SKA1: variants seen among roughly 807,000 people sequenced by gnomAD.
The protein encoded by SKA1 is SKA complex subunit 1.
A neutral mutation model predicts 31.8 loss-of-function variants in SKA1; 20 were observed. The observed-to-expected ratio is 0.63, with a 90% CI of 0.44 to 0.91. The LOEUF (loss-of-function observed/expected upper bound fraction) is 0.91, where lower values mean the gene tolerates loss of function less well. Ranked by LOEUF, SKA1 falls within the 40% of genes least tolerant of loss-of-function variation. The pLI, the probability that SKA1 is intolerant of heterozygous loss-of-function variation, is 0.00. For synonymous variants in SKA1, 88 were observed against 100.5 expected, an observed-to-expected ratio of 0.88 and a Z score of 0.74; for missense variants, 253 against 298.2, an observed-to-expected ratio of 0.85 and a Z score of 1.12.
At chr18:50,389,337 G>T (rs542644199) in intron 5 of SKA1, among the ~76,000 whole-genome samples, 3 of 148,316 alleles carry the variant, frequency 2.0e-5, no homozygotes, top group East Asian at 2.0e-4. Flanking sequence ...GTCTTTTTCT[G>T]GGGGGGAGAG....
intron 2 of SKA1, among the ~76,000 whole-genome samples, chr18:50,376,594 A>G (rs1338409772): frequency 6.6e-6 from 1 of 152,198 alleles, no homozygotes; most frequent in Non-Finnish European, 1.5e-5. Context: ...ACTGTATACT[A>G]CTGTAGGCTT....
intron 4 of SKA1, among the ~76,000 whole-genome samples, chr18:50,382,675 TC>T (rs2149320586): frequency 6.6e-6 from 1 of 152,098 alleles, no homozygotes; most frequent in Admixed American, 6.6e-5. Context: ...GGCAAAATCT[TC>T]CCCGACCATT....
chr18:50,388,173 C>T (rs1476815977), intron 5 of SKA1, among the ~76,000 whole-genome samples: 2 of 152,256 alleles, frequency 1.3e-5, no homozygotes, highest in South Asian at 2.1e-4. Context: ...CTGCAAGCTC[C>T]GCCTCCCAGG....
rs747298645 is a variant in SKA1, at chr18:50,392,160, G to T, written c.681G>T (p.Lys227Asn). Residue 227 changes from lysine (K) to asparagine (N), a missense_variant, in exon 7 of 7, where the codon AAG (lysine) becomes AAT (asparagine). Coordinates refer to ENST00000285116, the MANE Select transcript of SKA1 (RefSeq NM_145060.4). ...KEFTTLKADK[K>N]FHVLLNILRH... ...TCACAACTTTGAAAGCTGACAAGAA[G>T]TTTCACGTGTTACTGAATATTTTAC... The T allele has an allele frequency of 6.2e-7, 1 of 1,610,264 alleles. No homozygotes were observed. The highest frequency in any genetic ancestry group is 1.3e-5 in the African/African-American group (1 of 74,572).
In SKA1 at chr18:50,392,185, C is replaced by G; in HGVS notation, c.706C>G (p.Arg236Gly). Residue 236 changes from arginine to glycine, a missense_variant, in exon 7 of 7, where the codon CGA (arginine) becomes GGA (glycine). By Grantham distance (125) the Arg-to-Gly change is moderately radical (BLOSUM62 -2). Coordinates refer to ENST00000285116, the MANE Select transcript of SKA1 (RefSeq NM_145060.4). ...GTTTCACGTGTTACTGAATATTTTA[C>G]GACACTGCCGGAGGCTATCAGAGGT... Reference protein sequence around the residue: ...KKFHVLLNILRHCRRLSEVRG... With the variant: ...KKFHVLLNILGHCRRLSEVRG... 1.2e-6 allele frequency: 2 copies of G among 1,610,286 alleles called. No individual in the cohort carries two copies. The highest frequency in any genetic ancestry group is 1.7e-5 in the Admixed American group (1 of 58,530).
intron 4 of SKA1, 139 bp downstream of exon 4, chr18:50,382,365 T>G: frequency 6.0e-6 from 3 of 502,992 alleles, no homozygotes; most frequent in Non-Finnish European, 1.0e-5. Context: ...CTAAAAACAG[T>G]ATTTCCATGT....
At chr18:50,388,195 C>G (rs2041326027) in intron 5 of SKA1, among the ~76,000 whole-genome samples, 1 of 152,220 alleles carries the variant, frequency 6.6e-6, no homozygotes, top group African/African-American at 2.4e-5. Context: ...TCACGCCATT[C>G]TCCTGCCTCA....
intron 3 of SKA1, among the ~76,000 whole-genome samples, chr18:50,381,522 C>T (rs2041262103): frequency 6.6e-6 from 1 of 151,910 alleles, no homozygotes; most frequent in South Asian, 2.1e-4. Context: ...TAGTTATCTC[C>T]CAAGATTAAA....
Position 50,380,357 on chromosome 18 carries a change from A to T in SKA1, c.213+107A>T, listed in dbSNP as rs2041253800. The T allele has an allele frequency of 3.3e-6, 4 of 1,199,120 alleles. No individual in the cohort carries two copies. The Admixed American group carries it at 1.5e-4, about 45-fold the overall frequency. 74.3% of individuals were successfully genotyped at this position (1,199,120 alleles called of 1,614,324 possible). ...TTGTTTATAATGTTTTTTGTTTATA[A>T]ATTATTAATGGTACAGTATGCCATT... On this transcript the variant is annotated intron_variant, in intron 3 of 6. Transcript: ENST00000285116.
In SKA1 at chr18:50,382,208, T is replaced by A; in HGVS notation, c.293T>A (p.Val98Glu). 1 of 1,526,494 alleles carries A rather than the reference T, an allele frequency of 6.6e-7. No homozygotes were observed. Among genetic ancestry groups the A allele is most frequent in the African/African-American group, 1.5e-5 (1 of 68,844 alleles). The allele number at this position is 1,526,494 out of a possible 1,614,324, so 94.6% of individuals were successfully genotyped here. Residue 98 changes from valine (V) to glutamate (E), a missense_variant, in exon 4 of 7, where the codon GTA becomes GAA. Transcript: ENST00000285116. ...AACGTTCCTTCCCATTTGCCTCAAG[T>A]AACAGTAACCCAGAGCTGGTAAGTG... is the stretch of plus-strand genomic sequence containing the variant. ...KENVPSHLPQ[V>E]TVTQSCVKGS...
chr18:50,390,507 G>A (rs2041347966), intron 5 of SKA1, among the ~76,000 whole-genome samples: 1 of 152,208 alleles, frequency 6.6e-6, no homozygotes, highest in African/African-American at 2.4e-5. Context: ...GAAAGAGAGT[G>A]CTCTAAGGGA....
chr18:50,375,694 G>T, intron 1 of SKA1, 126 bp from the exon 2 acceptor site: 4 of 616,708 alleles, frequency 6.5e-6, no homozygotes, highest in Non-Finnish European at 8.5e-6. Flanking sequence ...AATTGCTCTT[G>T]AATTTTTGTG....
Position 50,385,219 on chromosome 18 carries a change from T to G in SKA1, c.315T>G (p.Val105=). ...TATGTACATCTGTATTCTGTAGTGT[T>G]AAGGGATCAGATCTTGATCCTGAAG... ...LPQVTVTQSC[V]KGSDLDPEEP... Residue 105 remains valine (V), a synonymous_variant, in exon 5 of 7, where the codon GTT becomes GTG. Coordinates refer to ENST00000285116, the MANE Select transcript of SKA1 (RefSeq NM_145060.4). 1 of 1,612,236 alleles carries G rather than the reference T, an allele frequency of 6.2e-7. No homozygotes were observed. Among genetic ancestry groups the G allele is most frequent in the Non-Finnish European group, 8.5e-7 (1 of 1,179,352 alleles).
At position 50,392,399 on chromosome 18, in the gene SKA1, T is replaced by A; in HGVS notation, c.*152T>A. On this transcript the variant is annotated 3_prime_UTR_variant, in exon 7 of 7. Transcript: ENST00000285116. Reference sequence around the variant, plus strand: ...GATCTTGCTTTGTCACCCAGGGGCTTGCTTTGTCACGCAGGCTAGAGTGCA... The same window carrying A: ...GATCTTGCTTTGTCACCCAGGGGCTAGCTTTGTCACGCAGGCTAGAGTGCA... 1 of 476,594 alleles carries A rather than the reference T, an allele frequency of 2.1e-6. No individual in the cohort carries two copies. The highest frequency in any genetic ancestry group is 3.2e-6 in the Non-Finnish European group (1 of 309,632). The allele number at this position is 476,594 out of a possible 1,614,324, so 29.5% of individuals were successfully genotyped here.
chr18:50,380,528 A>G (rs2041254811), intron 3 of SKA1, among the ~76,000 whole-genome samples: 4 of 152,304 alleles, frequency 2.6e-5, no homozygotes, highest in African/African-American at 9.6e-5. Context: ...GTTCTAGTAG[A>G]GTGGTATGTA....
At chr18:50,390,576 A>T (rs2041348350) in intron 5 of SKA1, among the ~76,000 whole-genome samples, 1 of 152,236 alleles carries the variant, frequency 6.6e-6, no homozygotes, top group Admixed American at 6.5e-5. Context: ...CTGCCCAGGC[A>T]GCTTCCAGTC....
At chr18:50,384,089 A>T (rs1486664056) in intron 4 of SKA1, among the ~76,000 whole-genome samples, 1 of 152,146 alleles carries the variant, frequency 6.6e-6, no homozygotes, top group Non-Finnish European at 1.5e-5. Flanking sequence ...TTAACTTCTA[A>T]GCTTTATATT....
At chr18:50,386,170 A>G (rs991121730) in intron 5 of SKA1, among the ~76,000 whole-genome samples, 2 of 150,640 alleles carry the variant, frequency 1.3e-5, no homozygotes, top group African/African-American at 5.0e-5. Flanking sequence ...TCTATCATTA[A>G]TAGTCATATA....
At chr18:50,378,837 T>C (rs2041241727) in intron 2 of SKA1, among the ~76,000 whole-genome samples, 1 of 152,168 alleles carries the variant, frequency 6.6e-6, no homozygotes, top group Non-Finnish European at 1.5e-5. Flanking sequence ...TTAGTTTTAC[T>C]TGTTATGAGC....
Sources: allele counts gnomAD v4.1 joint callset (sites outside exome capture counted in the v4.1 genomes callset), GRCh38; gene constraint gnomAD v4.1.1; transcripts MANE v1.5; gene names NCBI Gene and HGNC (gene_info 2026-07-23, HGNC 2026-07-21).